Variants in HYDIN observed in about 807,000 individuals in gnomAD.
HYDIN encodes the protein HYDIN axonemal central pair apparatus protein, also known as axonemal central pair apparatus protein HYDIN.
HYDIN carries 132 observed loss-of-function variants against 403.9 expected under a neutral mutation model. The ratio of observed to expected loss-of-function variants is 0.33; its 90% CI spans 0.28 to 0.38. The LOEUF is 0.38. Ranked by LOEUF, HYDIN falls within the 10% of genes least tolerant of loss-of-function variation. The pLI, the probability that HYDIN is intolerant of heterozygous loss-of-function variation, is 1.00. For synonymous variants in HYDIN, 1,202 were observed against 1,891.7 expected (o/e 0.64, Z 9.46); for missense variants, 2,827 against 5,009.5 (o/e 0.56, Z 13.15).
Position 71,175,615 on chromosome 16 carries a change from C to T in HYDIN, c.508G>A (p.Glu170Lys). The T allele has an allele frequency of 1.2e-6, 2 of 1,614,092 alleles. No individual in the cohort carries two copies. The highest frequency in any genetic ancestry group is 1.7e-6 in the Non-Finnish European group (2 of 1,179,954). ...GCCATTCCTGGTATTACCTTGTTCT[C>T]CTCTGGAGTAAAGAGGATTCGGAAT... ...SIFRILFTPEENKDYAHTLTC... is the reference protein window; with the variant it reads ...SIFRILFTPEKNKDYAHTLTC... Residue 170 changes from glutamate (E) to lysine (K), a missense_variant, in exon 5 of 86, where the codon GAG (glutamate) becomes AAG (lysine). Glu to Lys is a moderately conservative substitution (Grantham distance 56, BLOSUM62 1). Transcript: ENST00000393567.
chr16:70,844,430 TGTTTTGGTTACTCTAGCC>T (rs1331586088), intron 75 of HYDIN, among the ~76,000 whole-genome samples: 2 of 147,908 alleles, frequency 1.4e-5, no homozygotes, highest in African/African-American at 5.2e-5. Flanking sequence ...AGTACCATGC[TGTTTTGGTTACTCTAGCC>T]TTGTAGTATA....
At chr16:71,049,535 G>A (rs11075843) in intron 18 of HYDIN, among the ~76,000 whole-genome samples, 1 of 151,446 alleles carries the variant, frequency 6.6e-6, no homozygotes, top group Non-Finnish European at 1.5e-5. Flanking sequence ...GAAGGTGTGA[G>A]CACTGAGAAG....
At chr16:70,933,693 G>C (rs2077418469) in intron 45 of HYDIN, 1 of 154,910 alleles carries the variant, frequency 6.5e-6, no homozygotes, top group South Asian at 2.0e-4. Context: ...TCCCAGCAGG[G>C]AGTGTCACAT....
intron 79 of HYDIN, 36 bp downstream of exon 79, chr16:70,833,851 G>A (rs767722408): frequency 1.4e-5 from 22 of 1,553,174 alleles, no homozygotes; most frequent in Admixed American, 1.8e-5. Context: ...AGCAGCCTCT[G>A]GGGCAGCCTC....
chr16:71,212,672 A>AT (rs2088659292), intron 1 of HYDIN, among the ~76,000 whole-genome samples: 1 of 152,176 alleles, frequency 6.6e-6, no homozygotes, highest in Non-Finnish European at 1.5e-5. Flanking sequence ...GGACAAAAAG[A>AT]CAAAAAAAGT....
At chr16:70,846,005 T>C (rs1218647633) in intron 75 of HYDIN, among the ~76,000 whole-genome samples, 1 of 151,268 alleles carries the variant, frequency 6.6e-6, no homozygotes, top group Admixed American at 6.6e-5. Context: ...CCTGGATTCA[T>C]TAATTTTTTG....
chr16:70,810,983 G>C (rs781321933), intron 84 of HYDIN, among the ~76,000 whole-genome samples: 15 of 152,192 alleles, frequency 9.9e-5, no homozygotes, highest in Non-Finnish European at 1.6e-4. Flanking sequence ...TATAGAAAGA[G>C]ACTGTAAGAA....
chr16:71,176,879 C>T (rs546603204), intron 4 of HYDIN, among the ~76,000 whole-genome samples: 1 of 152,210 alleles, frequency 6.6e-6, no homozygotes, highest in East Asian at 1.9e-4. Flanking sequence ...ATCTTTTGTA[C>T]CCCACGACAG....
intron 6 of HYDIN, among the ~76,000 whole-genome samples, chr16:71,161,290 G>C (rs2085991126): frequency 6.6e-6 from 1 of 152,160 alleles, no homozygotes; most frequent in Admixed American, 6.5e-5. Context: ...AGCTCAGGCG[G>C]TAATGCTAGT....
chr16:71,033,226 A>T (rs2080976168), intron 18 of HYDIN, among the ~76,000 whole-genome samples: 4 of 152,240 alleles, frequency 2.6e-5, no homozygotes, highest in Non-Finnish European at 5.9e-5. Flanking sequence ...CTTCAGGGGA[A>T]TCTAAAGAAC....
chr16:70,871,378 G>A (rs961100520), intron 65 of HYDIN, among the ~76,000 whole-genome samples: 3 of 152,176 alleles, frequency 2.0e-5, no homozygotes, highest in Non-Finnish European at 2.9e-5. Flanking sequence ...ACTGGGGTGT[G>A]CCAGTGCTCT....
intron 5 of HYDIN, among the ~76,000 whole-genome samples, chr16:71,163,943 T>G (rs1020695037): frequency 6.6e-6 from 1 of 151,526 alleles, no homozygotes; most frequent in South Asian, 2.1e-4. Flanking sequence ...CCATTCCAAA[T>G]AAAAATGCTG....
intron 1 of HYDIN, among the ~76,000 whole-genome samples, chr16:71,188,708 T>G (rs1448324990): frequency 1.3e-5 from 2 of 152,056 alleles, no homozygotes; most frequent in African/African-American, 2.4e-5. Flanking sequence ...ACCTGTTAGG[T>G]GGACAAAAAA....
chr16:71,037,888 C>A lies in HYDIN; in HGVS notation c.2530-5971G>T, dbSNP rs144118462. Among the ~76,000 whole-genome samples, 11 of 152,128 alleles carry A rather than the reference C, an allele frequency of 7.2e-5. No homozygotes were observed. In the South Asian group the frequency reaches 2.3e-3, roughly 32 times the overall value. ...TGACTATGGCTGGACCCCTTACCCACGGAAACTGAGATCATAAGTTAGCAT... is the reference window on the plus strand; with the variant it reads ...TGACTATGGCTGGACCCCTTACCCAAGGAAACTGAGATCATAAGTTAGCAT... On this transcript the variant is annotated intron_variant, in intron 18 of 85. Transcript: ENST00000393567.
At chr16:71,157,212 G>C (rs1430001773) in intron 6 of HYDIN, among the ~76,000 whole-genome samples, 1 of 151,166 alleles carries the variant, frequency 6.6e-6, no homozygotes, top group Non-Finnish European at 1.5e-5. Context: ...TGATTTATAA[G>C]AACCTAAGCA....
At chr16:70,901,314 G>A (rs940360282) in intron 52 of HYDIN, 112 bp from the exon 53 acceptor site, 14 of 640,178 alleles carry the variant, frequency 2.2e-5, no homozygotes, top group Middle Eastern at 4.2e-4. Flanking sequence ...TTGTTGTATA[G>A]GTAAACACAT....
intron 53 of HYDIN, among the ~76,000 whole-genome samples, chr16:70,900,752 T>C (rs551781989): frequency 8.9e-5 from 13 of 146,300 alleles, no homozygotes; most frequent in East Asian, 1.9e-4. Context: ...TTCATTCATT[T>C]ATTTGTTCCT....
chr16:71,078,708 G>A (rs1296304441), intron 13 of HYDIN, among the ~76,000 whole-genome samples: 1 of 152,178 alleles, frequency 6.6e-6, no homozygotes, highest in Admixed American at 6.5e-5. Flanking sequence ...GTCTTGCTAT[G>A]TTGCCTGGGC....
intron 41 of HYDIN, among the ~76,000 whole-genome samples, chr16:70,950,460 G>C (rs1442758911): frequency 6.6e-6 from 1 of 151,614 alleles, no homozygotes; most frequent in Non-Finnish European, 1.5e-5. Context: ...GTTTCATCAC[G>C]TTGGCCAGGC....
Sources: allele counts gnomAD v4.1 joint callset (sites outside exome capture counted in the v4.1 genomes callset), GRCh38; gene constraint gnomAD v4.1.1; transcripts MANE v1.5; gene names NCBI Gene and HGNC (gene_info 2026-07-23, HGNC 2026-07-21).